NBEA: variants seen among roughly 807,000 people sequenced by gnomAD.
NBEA encodes the protein neurobeachin, also known as lysosomal-trafficking regulator 2.
Under a neutral mutation model 343.4 loss-of-function variants are expected in NBEA, and 44 were observed. That is an observed-to-expected ratio of 0.13 (90% CI 0.10 to 0.16). The LOEUF (loss-of-function observed/expected upper bound fraction) is 0.16. Ranked by LOEUF, NBEA falls within the 10% of genes least tolerant of loss-of-function variation. The pLI, the probability that NBEA is intolerant of heterozygous loss-of-function variation, is 1.00. For missense variants in NBEA, 2,555 were observed against 3,631.3 expected (o/e 0.70, Z 7.62); for synonymous variants, 1,175 against 1,238.7 (o/e 0.95, Z 1.08).
rs569179042 is a variant in NBEA at position 35,560,592 on chromosome 13, A to G, written c.6922+5490A>G. ...TCTGTGGGGGAGTGAAGAAGTTAGA[A>G]CTGGGCAGAAGGAGGATTCAGACCT... On this transcript the variant is annotated intron_variant, in intron 44 of 58. Coordinates refer to ENST00000379939, the MANE Select transcript of NBEA (RefSeq NM_001385012.1). Among the ~76,000 whole-genome samples, 15 of 152,286 alleles carry G rather than the reference A, an allele frequency of 9.8e-5. No individual in the cohort carries two copies. The South Asian group carries it at 2.9e-3, about 29-fold the overall frequency.
At chr13:35,374,780 A>C (rs1270801697) in intron 38 of NBEA, among the ~76,000 whole-genome samples, 1 of 152,132 alleles carries the variant, frequency 6.6e-6, no homozygotes, top group Non-Finnish European at 1.5e-5. Flanking sequence ...AAACTAATAA[A>C]ATTTACACAA....
At chr13:35,530,516 G>C (rs1265124021) in intron 41 of NBEA, among the ~76,000 whole-genome samples, 4 of 152,182 alleles carry the variant, frequency 2.6e-5, no homozygotes, top group East Asian at 3.9e-4. Context: ...GTTTAAACCA[G>C]GGCCTTGTTT....
chr13:35,184,889 G>C (rs2071583174), intron 30 of NBEA, among the ~76,000 whole-genome samples: 1 of 152,144 alleles, frequency 6.6e-6, no homozygotes, highest in Non-Finnish European at 1.5e-5. Flanking sequence ...AGATTTTCCT[G>C]TGTACGCACT....
At chr13:35,605,054 G>A (rs1274608891) in intron 47 of NBEA, among the ~76,000 whole-genome samples, 1 of 152,112 alleles carries the variant, frequency 6.6e-6, no homozygotes. Context: ...ACAGTTTCTG[G>A]TACTAAAAAC....
chr13:35,452,321 T>C, intron 40 of NBEA, 86 bp downstream of exon 40: 1 of 972,404 alleles, frequency 1.0e-6, no homozygotes, highest in South Asian at 1.5e-5. Context: ...TAAATAAATG[T>C]GTGCCAATGG....
In NBEA at chr13:35,097,979, A is replaced by G. The variant is rs557713158; in HGVS notation, c.1572-318A>G. 2.6e-4 allele frequency among the ~76,000 whole-genome samples: 39 copies of G among 152,220 alleles called. 1 individual carries two copies. Among genetic ancestry groups the G allele is most frequent in the Non-Finnish European group, 4.4e-4 (30 of 67,950 alleles). ...TTATGATACATTATAAATGATGTGT[A>G]TATGTTTCTTAGGTTTACTTGAAGC... On this transcript the variant is annotated intron_variant, in intron 10 of 58. Transcript: ENST00000379939.
At chr13:35,410,809 G>T (rs943636289) in intron 38 of NBEA, among the ~76,000 whole-genome samples, 2 of 152,048 alleles carry the variant, frequency 1.3e-5, no homozygotes, top group African/African-American at 4.8e-5. Flanking sequence ...ATGCACTCCT[G>T]CTGATTTCCC....
intron 39 of NBEA, among the ~76,000 whole-genome samples, chr13:35,437,467 T>C (rs1019786178): frequency 3.3e-5 from 5 of 152,202 alleles, no homozygotes; most frequent in Admixed American, 6.5e-5. Flanking sequence ...GCTTTTTTAG[T>C]AATACTAATG....
chr13:35,414,568 T>C (rs973154065), intron 38 of NBEA, among the ~76,000 whole-genome samples: 2 of 152,216 alleles, frequency 1.3e-5, no homozygotes, highest in African/African-American at 4.8e-5. Context: ...ACTCATCCTT[T>C]TCTATGGCTG....
intron 41 of NBEA, chr13:35,475,404 G>A (rs1034249404): frequency 6.2e-7 from 1 of 1,613,598 alleles, no homozygotes; most frequent in Non-Finnish European, 8.5e-7. Flanking sequence ...TCTTTCTGCA[G>A]CCCCCCATCT....
intron 41 of NBEA, among the ~76,000 whole-genome samples, chr13:35,527,764 G>T (rs1594888673): frequency 6.6e-6 from 1 of 152,344 alleles, no homozygotes; most frequent in East Asian, 1.9e-4. Context: ...CCCAGGTCCA[G>T]AGCCACAGCT....
At chr13:35,550,811 CA>C in intron 42 of NBEA, 118 bp from the exon 43 acceptor site, 1 of 678,080 alleles carries the variant, frequency 1.5e-6, no homozygotes, top group South Asian at 2.1e-5. Context: ...GCTGATTTTT[CA>C]TGAAGATTCA....
chr13:35,153,706 C>T (rs563596386), intron 18 of NBEA, among the ~76,000 whole-genome samples: 1 of 152,242 alleles, frequency 6.6e-6, no homozygotes, highest in Non-Finnish European at 1.5e-5. Context: ...AATATAAAAA[C>T]TGGTGACACT....
At chr13:35,421,652 ATTAC>A (rs2044278142) in intron 38 of NBEA, among the ~76,000 whole-genome samples, 2 of 151,952 alleles carry the variant, frequency 1.3e-5, no homozygotes, top group South Asian at 2.1e-4. Flanking sequence ...TGTTTCTTCT[ATTAC>A]TTCTCTCATG....
chr13:35,035,507 G>A (rs2062405705), intron 1 of NBEA, among the ~76,000 whole-genome samples: 3 of 151,972 alleles, frequency 2.0e-5, no homozygotes, highest in Admixed American at 2.0e-4. Context: ...GAAATCTTCT[G>A]TAAATATCTA....
At chr13:35,596,981 G>A (rs555149455) in intron 47 of NBEA, among the ~76,000 whole-genome samples, 14 of 152,082 alleles carry the variant, frequency 9.2e-5, no homozygotes, top group African/African-American at 2.2e-4. Flanking sequence ...CGTCTGGATC[G>A]GATTTGATTT....
At chr13:35,220,859 A>ATTTTTTAAATGT (rs2074323514) in intron 33 of NBEA, among the ~76,000 whole-genome samples, 1 of 152,124 alleles carries the variant, frequency 6.6e-6, no homozygotes, top group African/African-American at 2.4e-5. Context: ...TAAAAATTAG[A>ATTTTTTAAATGT]CTTTTTAAAA....
intron 55 of NBEA, among the ~76,000 whole-genome samples, chr13:35,660,477 AAAT>A (rs1247752604): frequency 7.2e-5 from 11 of 152,220 alleles, no homozygotes; most frequent in African/African-American, 2.7e-4. Flanking sequence ...CACTTTTTAA[AAAT>A]AAGTATTTTA....
intron 25 of NBEA, among the ~76,000 whole-genome samples, chr13:35,169,994 G>A (rs2070339660): frequency 1.3e-5 from 2 of 151,676 alleles, no homozygotes; most frequent in African/African-American, 4.8e-5. Context: ...AGAGAGAATG[G>A]TTTTAACCCT....
Sources: gnomAD v4.1 joint callset for allele counts (sites outside exome capture counted in the v4.1 genomes callset) on GRCh38, gnomAD v4.1.1 for gene constraint, MANE v1.5 for transcripts, NCBI Gene and HGNC (gene_info 2026-07-23, HGNC 2026-07-21) for gene names.